The following EXOC4 variants were observed in gnomAD, a reference collection of about 807,000 sequenced individuals.
The protein encoded by EXOC4 is exocyst complex component 4, also known as SEC8-like 1.
A neutral mutation model predicts 107.2 loss-of-function variants in EXOC4; 71 were observed. The observed-to-expected ratio is 0.66, with a 90% CI of 0.55 to 0.81. EXOC4 has a LOEUF of 0.81. Ranked by LOEUF, EXOC4 falls within the 30% of genes least tolerant of loss-of-function variation. EXOC4 has a pLI of 0.00. For synonymous variants in EXOC4, 456 were observed against 441.2 expected (o/e 1.03, Z -0.42); for missense variants, 1,108 against 1,189.6 (o/e 0.93, Z 1.01).
intron 10 of EXOC4, among the ~76,000 whole-genome samples, chr7:133,633,220 A>G (rs1332798445): frequency 6.6e-6 from 1 of 152,138 alleles, no homozygotes; most frequent in Admixed American, 6.6e-5. Flanking sequence ...GGGAGGATAT[A>G]AATTGGTTCA....
intron 7 of EXOC4, among the ~76,000 whole-genome samples, chr7:133,431,150 C>A (rs557022824): frequency 6.6e-6 from 1 of 152,316 alleles, no homozygotes; most frequent in South Asian, 2.1e-4. Context: ...TTGCCAAATT[C>A]TTGCCTTCAA....
intron 5 of EXOC4, among the ~76,000 whole-genome samples, chr7:133,323,515 A>G (rs1308275999): frequency 1.6e-4 from 24 of 152,090 alleles, no homozygotes; most frequent in Non-Finnish European, 2.9e-4. Context: ...GATTATGTTT[A>G]TTGATTTGTG....
intron 14 of EXOC4, among the ~76,000 whole-genome samples, chr7:133,946,439 T>C (rs903115766): frequency 1.3e-5 from 2 of 152,364 alleles, no homozygotes; most frequent in East Asian, 3.9e-4. Context: ...TTAAAAATAA[T>C]GTCCAAATAT....
chr7:133,468,468 TAA>T (rs1798787781), intron 7 of EXOC4, among the ~76,000 whole-genome samples: 1 of 152,234 alleles, frequency 6.6e-6, no homozygotes, highest in African/African-American at 2.4e-5. Flanking sequence ...GAAAACTCGA[TAA>T]GTTTTTGTAA....
chr7:133,264,822 T>A (rs1195410206), intron 1 of EXOC4, among the ~76,000 whole-genome samples: 1 of 152,224 alleles, frequency 6.6e-6, no homozygotes, highest in Non-Finnish European at 1.5e-5. Context: ...TCTTTAGTGC[T>A]TATATTCTTA....
chr7:133,965,232 C>T (rs188685053), intron 14 of EXOC4, among the ~76,000 whole-genome samples: 4 of 152,252 alleles, frequency 2.6e-5, no homozygotes, highest in Admixed American at 2.0e-4. Flanking sequence ...GATATTAACC[C>T]ATTGTCAGAT....
At chr7:134,000,425 A>G (rs936531843) in intron 15 of EXOC4, among the ~76,000 whole-genome samples, 2 of 152,144 alleles carry the variant, frequency 1.3e-5, no homozygotes, top group African/African-American at 2.4e-5. Context: ...TGGCTTGTTC[A>G]TTGTGATGGC....
At chr7:133,927,304 A>G (rs549920485) in intron 13 of EXOC4, among the ~76,000 whole-genome samples, 6 of 152,254 alleles carry the variant, frequency 3.9e-5, no homozygotes, top group African/African-American at 1.4e-4. Context: ...TACCTCTTCA[A>G]TTTTTTCATC....
In EXOC4 at chr7:133,996,652, TC is replaced by T. The variant is rs1794398782; in HGVS notation, c.2207-838del. Among the ~76,000 whole-genome samples, 3 of 152,250 alleles carry T rather than the reference TC, an allele frequency of 2.0e-5. No homozygotes were observed. The South Asian group carries it at 6.2e-4, about 32-fold the overall frequency. On this transcript the variant is annotated intron_variant, in intron 14 of 17. Transcript: ENST00000253861. ...AAGTGGAATACAGCACACTACCACT[TC>T]CACCTCCCAGAATTTAGGGAGGTGT...
intron 14 of EXOC4, among the ~76,000 whole-genome samples, chr7:133,975,579 A>G (rs1793812958): frequency 6.6e-6 from 1 of 152,190 alleles, no homozygotes; most frequent in South Asian, 2.1e-4. Flanking sequence ...ACATTTGGAG[A>G]AAATGTAGGT....
intron 10 of EXOC4, among the ~76,000 whole-genome samples, chr7:133,716,012 G>C (rs1269833480): frequency 6.6e-6 from 1 of 152,218 alleles, no homozygotes; most frequent in Non-Finnish European, 1.5e-5. Context: ...CTCTGCTGGA[G>C]AAGGTGGAAG....
Position 133,305,937 on chromosome 7 carries a change from C to T in EXOC4, c.532C>T (p.Arg178Ter), listed in dbSNP as rs140852002. 2 of 1,613,472 alleles carry T rather than the reference C, an allele frequency of 1.2e-6. No individual in the cohort carries two copies. The highest frequency in any genetic ancestry group is 1.7e-6 in the Non-Finnish European group (2 of 1,179,696). The change falls in exon 4 of 18, where the codon CGA becomes TGA. Residue 178 changes from arginine to a stop codon, truncating the protein, a stop_gained. Coordinates refer to ENST00000253861, the MANE Select transcript of EXOC4 (RefSeq NM_021807.4). LOFTEE classifies it high-confidence loss of function. ...LLQVEGLSDLRLELHSKKMNL... is the reference protein window; with the variant it reads ...LLQVEGLSDL ...CCAGGTGGAAGGACTGAGTGACCTTCGACTAGAGCTTCACAGCAAGAAGAT... is the reference window on the plus strand; with the variant it reads ...CCAGGTGGAAGGACTGAGTGACCTTTGACTAGAGCTTCACAGCAAGAAGAT...
intron 10 of EXOC4, among the ~76,000 whole-genome samples, chr7:133,708,919 A>G (rs2151094176): frequency 6.6e-6 from 1 of 152,346 alleles, no homozygotes; most frequent in East Asian, 1.9e-4. Flanking sequence ...CACTTTTTAT[A>G]GGAATCCCTT....
intron 10 of EXOC4, among the ~76,000 whole-genome samples, chr7:133,798,758 G>T (rs946632066): frequency 3.9e-5 from 6 of 152,014 alleles, no homozygotes; most frequent in African/African-American, 1.5e-4. Context: ...CTTAATATGA[G>T]TGGCACACTG....
intron 8 of EXOC4, among the ~76,000 whole-genome samples, 159 bp downstream of exon 8, chr7:133,475,632 G>C (rs182884269): frequency 1.5e-4 from 23 of 152,248 alleles, no homozygotes; most frequent in Admixed American, 1.3e-3. Context: ...TTTGTTTTCT[G>C]TCAGGTGAAG....
At chr7:133,434,363 G>GA (rs1213606408) in intron 7 of EXOC4, among the ~76,000 whole-genome samples, 1 of 152,038 alleles carries the variant, frequency 6.6e-6, no homozygotes, top group Non-Finnish European at 1.5e-5. Flanking sequence ...CCGAAAAAGA[G>GA]AAAAAAAGAT....
chr7:133,812,345 T>C (rs1390056826), intron 10 of EXOC4, among the ~76,000 whole-genome samples: 1 of 152,168 alleles, frequency 6.6e-6, no homozygotes, highest in Non-Finnish European at 1.5e-5. Flanking sequence ...GGTAGTGTTA[T>C]TGTAGCCATT....
intron 10 of EXOC4, among the ~76,000 whole-genome samples, chr7:133,655,514 C>A (rs962321070): frequency 2.0e-5 from 3 of 152,052 alleles, no homozygotes; most frequent in Non-Finnish European, 2.9e-5. Context: ...AAAATATTTT[C>A]TTTTTTATAT....
At chr7:134,090,189 G>C in the EXOC4 span, among the ~76,000 whole-genome samples, 1 of 152,112 alleles carries the variant, frequency 6.6e-6, no homozygotes, top group Non-Finnish European at 1.5e-5. Context: ...TAAATACACT[G>C]ACAGACAGAA....
Sources: allele counts gnomAD v4.1 joint callset (sites outside exome capture counted in the v4.1 genomes callset), GRCh38; gene constraint gnomAD v4.1.1; transcripts MANE v1.5; gene names NCBI Gene and HGNC (gene_info 2026-07-23, HGNC 2026-07-21).